HAUS7: variants seen among roughly 807,000 people sequenced by gnomAD.
The protein encoded by HAUS7 is HAUS augmin-like complex subunit 7.
A neutral mutation model predicts 28.4 loss-of-function variants in HAUS7; 3 were observed. The observed-to-expected ratio is 0.11, with a 90% CI of 0.05 to 0.27. The LOEUF (loss-of-function observed/expected upper bound fraction) is 0.27. Among genes scored for constraint, HAUS7 ranks in the 10% least tolerant of loss-of-function variants. The pLI is 1.00. For synonymous variants in HAUS7, 165 were observed against 132.1 expected (o/e 1.25, Z -1.71); for missense variants, 284 against 297.3 (o/e 0.96, Z 0.33).
chrX:153,465,879 G>T (rs1292345139), intron 2 of HAUS7, among the ~76,000 whole-genome samples: 3 of 112,358 alleles, frequency 2.7e-5, no homozygotes, highest in African/African-American at 9.7e-5. Context: ...CACTCCGGCC[G>T]CTGGGGCCAC....
chrX:153,492,763 G>T (rs186227409), intron 1 of HAUS7, among the ~76,000 whole-genome samples: 1 of 111,142 alleles, frequency 9.0e-6, no homozygotes, highest in African/African-American at 3.3e-5. Flanking sequence ...TCCTTCCACC[G>T]GCAACTTCCC....
chrX:153,455,416 C>T (rs905566210), intron 8 of HAUS7, 126 bp downstream of exon 8: 1 of 493,230 alleles, frequency 2.0e-6, no homozygotes, highest in Non-Finnish European at 3.5e-6. Context: ...CCTCCCAGCC[C>T]CTGGTCCTGC....
intron 1 of HAUS7, chrX:153,482,836 G>A (rs2089609704): frequency 1.5e-6 from 1 of 649,488 alleles, no homozygotes; most frequent in Non-Finnish European, 1.8e-6. Context: ...GGAACCGGCT[G>A]CGGGCCATCC....
At chrX:153,448,494 G>A (rs2089195576) in intron 9 of HAUS7, among the ~76,000 whole-genome samples, 1 of 110,202 alleles carries the variant, frequency 9.1e-6, no homozygotes, top group Non-Finnish European at 1.9e-5. Context: ...GTATACATAT[G>A]TAACTAACCT....
intron 8 of HAUS7, chrX:153,454,970 T>A: frequency 9.8e-7 from 1 of 1,021,968 alleles, no homozygotes; most frequent in Non-Finnish European, 1.3e-6. Flanking sequence ...CATCACGGAA[T>A]CCTTGAGCCA....
intron 2 of HAUS7, among the ~76,000 whole-genome samples, chrX:153,467,767 G>A (rs1029441474): frequency 6.2e-5 from 7 of 112,658 alleles, no homozygotes; most frequent in African/African-American, 1.9e-4. Flanking sequence ...ACCATGCTGC[G>A]GCTCCCATAC....
At chrX:153,481,773 A>C in intron 1 of HAUS7, 2 of 731,318 alleles carry the variant, frequency 2.7e-6, no homozygotes, top group Non-Finnish European at 3.2e-6. Flanking sequence ...GGCAGCGGGC[A>C]GGGGGCAGAG....
chrX:153,477,692 G>A (rs1284016381), intron 1 of HAUS7, among the ~76,000 whole-genome samples: 1 of 112,610 alleles, frequency 8.9e-6, no homozygotes, highest in Non-Finnish European at 1.9e-5. Context: ...CCCACAGGAC[G>A]CACAAGGAGA....
At chrX:153,492,130 CG>C (rs1229908023) in intron 1 of HAUS7, among the ~76,000 whole-genome samples, 7 of 113,097 alleles carry the variant, frequency 6.2e-5, no homozygotes, top group African/African-American at 2.2e-4. Flanking sequence ...TCCTGCCTTG[CG>C]CCCCCCGTGC....
chrX:153,457,030 C>T lies in HAUS7; in HGVS notation c.446+107G>A, dbSNP rs2089322200. ...CAGATCCCCAAGTGGGGTGTCACACCCCAGCCAGCATCAGAGGGGGAGTGA... is the reference window on the plus strand; with the variant it reads ...CAGATCCCCAAGTGGGGTGTCACACTCCAGCCAGCATCAGAGGGGGAGTGA... On this transcript the variant is annotated intron_variant, in intron 5 of 9. Transcript: ENST00000370211. 3 of 568,881 alleles carry T rather than the reference C, an allele frequency of 5.3e-6. No homozygotes were observed. In the South Asian group the frequency reaches 7.8e-5, roughly 15 times the overall value. The allele number at this position is 568,881 out of a possible 1,213,427, so 46.9% of individuals were successfully genotyped here. A position where few individuals can be genotyped will look rare whatever the true frequency, so the allele number is the denominator to read the frequency against.
In HAUS7 at chrX:153,469,247, G is replaced by T. The variant is rs948519009; in HGVS notation, c.123C>A (p.Pro41=). The T allele has an allele frequency of 8.9e-7, 1 of 1,129,687 alleles. No individual in the cohort carries two copies. The highest frequency in any genetic ancestry group is 1.2e-6 in the Non-Finnish European group (1 of 821,284). The allele number at this position is 1,129,687 out of a possible 1,213,427, so 93.1% of individuals were successfully genotyped here. A position where few individuals can be genotyped will look rare whatever the true frequency, so the allele number is the denominator to read the frequency against. Residue 41 remains proline (P), a synonymous_variant, in exon 2 of 10, where the codon CCC becomes CCA. Transcript: ENST00000370211. ...VFGKLKDLNC[P]FLEGLYITEP... is the part of the protein sequence containing the mutation. ...CTGTGATATACAGACCCTCGAGGAA[G>T]GGGCAGTTTAGGTCCTAAGCAAGGA...
intron 8 of HAUS7, 138 bp downstream of exon 8, chrX:153,455,404 C>A: frequency 4.2e-6 from 2 of 471,064 alleles, no homozygotes; most frequent in South Asian, 6.5e-5. Context: ...CCCAGCCCAG[C>A]CCCTCCCAGC....
chrX:153,455,520 G>C, intron 8 of HAUS7, 22 bp downstream of exon 8: 2 of 1,031,364 alleles, frequency 1.9e-6, no homozygotes, highest in South Asian at 3.8e-5. Context: ...GCGGTTAGAG[G>C]GGAGGGGAAG....
upstream of HAUS7, among the ~76,000 whole-genome samples, chrX:153,475,328 G>A (rs1337175244): frequency 2.7e-5 from 3 of 110,562 alleles, no homozygotes; most frequent in Non-Finnish European, 3.8e-5. Flanking sequence ...CACCCCATCC[G>A]CAGCCACCCT....
At chrX:153,483,131 C>A (rs1341031953) in intron 1 of HAUS7, among the ~76,000 whole-genome samples, 2 of 113,047 alleles carry the variant, frequency 1.8e-5, no homozygotes, top group Admixed American at 1.9e-4. Flanking sequence ...AAAATCCACC[C>A]CTGCCATGGG....
In HAUS7 at chrX:153,482,607, A is replaced by G. The variant is rs1463176315; in HGVS notation, c.-588-11462T>C. On this transcript the variant is annotated intron_variant, in intron 1 of 5. Coordinates refer to the HAUS7 transcript ENST00000370210. ...GGGCAGCCTGGCTGGAACGCAGAGG[A>G]GACTGCCAGCCTGGGTAAGGGGCCC... 4 of 714,824 alleles carry G rather than the reference A, an allele frequency of 5.6e-6. No individual in the cohort carries two copies. In the African/African-American group the frequency reaches 9.4e-5, roughly 17 times the overall value. 58.9% of individuals were successfully genotyped at this position (714,824 alleles called of 1,213,427 possible). A position where few individuals can be genotyped will look rare whatever the true frequency, so the allele number is the denominator to read the frequency against.
chrX:153,490,270 G>A (rs1427544319), intron 1 of HAUS7, among the ~76,000 whole-genome samples: 1 of 112,992 alleles, frequency 8.9e-6, no homozygotes, highest in Non-Finnish European at 1.9e-5. Flanking sequence ...AGGCCTCCCC[G>A]GAGCCCCCAC....
upstream of HAUS7, chrX:153,470,629 A>G (rs905444437): frequency 6.0e-6 from 7 of 1,159,236 alleles, no homozygotes; most frequent in African/African-American, 1.1e-4. Context: ...ATCAACCTCC[A>G]GCGTTCTTCC....
At chrX:153,471,170 T>C (rs1332714419), upstream of HAUS7, 1 of 264,138 alleles carries the variant, frequency 3.8e-6, no homozygotes, top group Non-Finnish European at 7.3e-6. Flanking sequence ...AAATTTCTTG[T>C]CACTCACCAG....
Sources: allele counts gnomAD v4.1 joint callset (sites outside exome capture counted in the v4.1 genomes callset), GRCh38; gene constraint gnomAD v4.1.1; transcripts MANE v1.5; gene names NCBI Gene and HGNC (gene_info 2026-07-23, HGNC 2026-07-21).